The following SLCO2A1 variants were observed in gnomAD, a reference collection of about 807,000 sequenced individuals.
The protein encoded by SLCO2A1 is matrin F/G 1.
Under a neutral mutation model 71.7 loss-of-function variants are expected in SLCO2A1, and 60 were observed. The ratio of observed to expected loss-of-function variants is 0.84; its 90% confidence interval spans 0.68 to 1.04. SLCO2A1 has a LOEUF of 1.04. Among genes scored for constraint, SLCO2A1 ranks in the 50% least tolerant of loss-of-function variants. The probability of loss-of-function intolerance (pLI) is 0.00; values close to 1 mark genes in which losing one functional copy is unlikely to be tolerated. For missense variants in SLCO2A1, 745 were observed against 813.4 expected, an observed-to-expected ratio of 0.92 and a Z score of 1.02; for synonymous variants, 308 against 326.7, an observed-to-expected ratio of 0.94 and a Z score of 0.62.
intron 3 of SLCO2A1, among the ~76,000 whole-genome samples, chr3:133,966,536 A>T (rs990130266): frequency 1.3e-5 from 2 of 152,326 alleles, no homozygotes; most frequent in East Asian, 3.9e-4. Context: ...CCAGAGCACC[A>T]GCCAGCCCCC....
At chr3:134,029,602 C>A in intron 1 of SLCO2A1, 105 bp downstream of exon 1, 1 of 857,636 alleles carries the variant, frequency 1.2e-6, no homozygotes. Flanking sequence ...AGGAGGGAGC[C>A]CGGGGCTCCC....
intron 1 of SLCO2A1, among the ~76,000 whole-genome samples, chr3:134,002,378 G>A (rs755171438): frequency 7.9e-5 from 12 of 152,200 alleles, no homozygotes; most frequent in Non-Finnish European, 1.3e-4. Flanking sequence ...AGCTCTGGGA[G>A]GCCTTCCCTG....
chr3:134,029,148 G>A (rs536082178), intron 1 of SLCO2A1, among the ~76,000 whole-genome samples: 1 of 152,256 alleles, frequency 6.6e-6, no homozygotes, highest in Admixed American at 6.5e-5. Flanking sequence ...GAGCGGCACA[G>A]CCAGGTAGCA....
chr3:133,977,088 C>G (rs138962704), intron 2 of SLCO2A1, among the ~76,000 whole-genome samples: 1 of 152,130 alleles, frequency 6.6e-6, no homozygotes, highest in East Asian at 1.9e-4. Context: ...CTTCTCACAT[C>G]CCCCCTAGCC....
intron 1 of SLCO2A1, among the ~76,000 whole-genome samples, chr3:134,004,422 C>T (rs957319325): frequency 6.6e-6 from 1 of 152,198 alleles, no homozygotes; most frequent in African/African-American, 2.4e-5. Flanking sequence ...GCAACCTCCG[C>T]CTCGCAGGTT....
chr3:133,953,411 ACTT>A (rs1431929333), intron 5 of SLCO2A1, among the ~76,000 whole-genome samples: 1 of 152,142 alleles, frequency 6.6e-6, no homozygotes, highest in Non-Finnish European at 1.5e-5. Flanking sequence ...GGGTCTCCAA[ACTT>A]CTTAAGGGCA....
chr3:134,018,083 A>C (rs1310250619), intron 1 of SLCO2A1, among the ~76,000 whole-genome samples: 1 of 152,142 alleles, frequency 6.6e-6, no homozygotes, highest in African/African-American at 2.4e-5. Context: ...CAGGAAGAGG[A>C]GGTCTGAGCG....
At chr3:134,014,998 C>T (rs1394395467) in intron 1 of SLCO2A1, among the ~76,000 whole-genome samples, 4 of 152,230 alleles carry the variant, frequency 2.6e-5, no homozygotes, top group Non-Finnish European at 2.9e-5. Context: ...GATCCCCTCA[C>T]TTACCAAAAG....
In SLCO2A1 at chr3:133,937,041, T is replaced by C. The variant is rs60307141; in HGVS notation, c.1691-1144A>G. 3.4e-4 allele frequency among the ~76,000 whole-genome samples: 52 copies of C among 152,246 alleles called. No homozygotes were observed. The East Asian group carries it at 4.3e-3, about 12-fold the overall frequency. On this transcript the variant is annotated intron_variant, in intron 12 of 13. Coordinates refer to ENST00000310926, the MANE Select transcript of SLCO2A1 (RefSeq NM_005630.3). ...TGGGTTTTCTCATTGTGGTCCCACA[T>C]TGAGTTATCTGAGCTCAAATGGAAA...
At chr3:133,967,248 A>T (rs941226125) in intron 3 of SLCO2A1, among the ~76,000 whole-genome samples, 2 of 152,174 alleles carry the variant, frequency 1.3e-5, no homozygotes, top group Non-Finnish European at 2.9e-5. Context: ...TGTGCTAGAG[A>T]CGCAGAACAA....
intron 2 of SLCO2A1, among the ~76,000 whole-genome samples, chr3:133,977,088 C>T (rs138962704): frequency 6.6e-6 from 1 of 152,130 alleles, no homozygotes; most frequent in East Asian, 1.9e-4. Flanking sequence ...CTTCTCACAT[C>T]CCCCCTAGCC....
chr3:133,952,133 G>A (rs1933759708), intron 5 of SLCO2A1, among the ~76,000 whole-genome samples: 1 of 152,222 alleles, frequency 6.6e-6, no homozygotes, highest in African/African-American at 2.4e-5. Context: ...TGAGTGGACT[G>A]GGCACTCAGT....
chr3:134,023,665 T>C (rs1935641578), intron 1 of SLCO2A1, among the ~76,000 whole-genome samples: 1 of 152,250 alleles, frequency 6.6e-6, no homozygotes, highest in African/African-American at 2.4e-5. Flanking sequence ...TAGAGGATCA[T>C]GGAAGTTAAA....
At chr3:133,997,252 G>T (rs953563756) in intron 1 of SLCO2A1, among the ~76,000 whole-genome samples, 2 of 152,104 alleles carry the variant, frequency 1.3e-5, no homozygotes, top group Non-Finnish European at 2.9e-5. Flanking sequence ...CTCTGCCTCT[G>T]CAACTCAAAG....
At chr3:134,000,255 C>A (rs1004597854) in intron 1 of SLCO2A1, among the ~76,000 whole-genome samples, 2 of 152,120 alleles carry the variant, frequency 1.3e-5, no homozygotes, top group Non-Finnish European at 2.9e-5. Context: ...TCCAGGGAGG[C>A]ACTGGGAGTG....
In SLCO2A1 at chr3:134,025,710, C is replaced by T. The variant is rs185412007; in HGVS notation, c.96+3997G>A. Among the ~76,000 whole-genome samples, 328 of 152,110 alleles carry T rather than the reference C, an allele frequency of 2.2e-3. 1 individual carries two copies. Among genetic ancestry groups the T allele is most frequent in the African/African-American group, 7.6e-3 (316 of 41,496 alleles). On this transcript the variant is annotated intron_variant, in intron 1 of 13. Transcript: ENST00000310926. ...CCACCTTCAGAAAGGAAAAAATGGCCCTTCCTGTACTAAGGGACAATGTAA... is the reference window on the plus strand; with the variant it reads ...CCACCTTCAGAAAGGAAAAAATGGCTCTTCCTGTACTAAGGGACAATGTAA...
In SLCO2A1 at chr3:134,029,882, G is replaced by C. The variant is rs1273443533; in HGVS notation, c.-80C>G. 1.3e-6 allele frequency: 1 copy of C among 749,560 alleles called. No homozygotes were observed. 46.4% of individuals were successfully genotyped at this position (749,560 alleles called of 1,614,324 possible). On this transcript the variant is annotated 5_prime_UTR_variant, in exon 1 of 14. Coordinates refer to ENST00000310926, the MANE Select transcript of SLCO2A1 (RefSeq NM_005630.3). ...TGGAGCGGCCGGGCGGGTGAGAGGCGACCGCGGCGGCAGTGGCCGGAGGAG... is the reference window on the plus strand; with the variant it reads ...TGGAGCGGCCGGGCGGGTGAGAGGCCACCGCGGCGGCAGTGGCCGGAGGAG...
intron 1 of SLCO2A1, among the ~76,000 whole-genome samples, chr3:134,021,787 G>A: frequency 6.6e-6 from 1 of 151,320 alleles, no homozygotes; most frequent in Admixed American, 6.6e-5. Flanking sequence ...CCCTATAAAA[G>A]CCAAGGTAAA....
At chr3:134,005,243 G>A (rs1415256482) in intron 1 of SLCO2A1, among the ~76,000 whole-genome samples, 1 of 152,080 alleles carries the variant, frequency 6.6e-6, no homozygotes, top group Non-Finnish European at 1.5e-5. Flanking sequence ...CATTCTTTTT[G>A]CTTTAAACAC....
Sources: allele counts gnomAD v4.1 joint callset (sites outside exome capture counted in the v4.1 genomes callset), GRCh38; gene constraint gnomAD v4.1.1; transcripts MANE v1.5; gene names NCBI Gene and HGNC (gene_info 2026-07-23, HGNC 2026-07-21).